The following LMAN2L variants were observed in gnomAD, a reference collection of about 807,000 sequenced individuals.
LMAN2L encodes VIP36-like protein.
Under a neutral mutation model 44.3 loss-of-function variants are expected in LMAN2L, and 30 were observed. The observed-to-expected ratio is 0.68, with a 90% CI of 0.51 to 0.92. The LOEUF is 0.92. LMAN2L is among the 40% of genes least tolerant of loss of function. The pLI is 0.00. For synonymous variants in LMAN2L, 183 were observed against 171.1 expected (o/e 1.07, Z -0.54); for missense variants, 429 against 446.1 (o/e 0.96, Z 0.35).
chr2:96,731,150 C>A (rs1186581132), intron 4 of LMAN2L, among the ~76,000 whole-genome samples: 1 of 152,172 alleles, frequency 6.6e-6, no homozygotes, highest in Non-Finnish European at 1.5e-5. Flanking sequence ...TCCCATAGTG[C>A]CCCAGAGTTC....
At chr2:96,713,101 G>A (rs1343220823) in intron 4 of LMAN2L, 2 of 1,550,916 alleles carry the variant, frequency 1.3e-6, no homozygotes, top group South Asian at 2.4e-5. Context: ...GCCAAGAACT[G>A]AGTACCTGGA....
At chr2:96,737,128 T>C (rs1424059362) in intron 2 of LMAN2L, 2 of 455,350 alleles carry the variant, frequency 4.4e-6, no homozygotes, top group African/African-American at 4.0e-5. Context: ...AAAGAAAGCA[T>C]CATCTTACAC....
intron 4 of LMAN2L, among the ~76,000 whole-genome samples, chr2:96,726,299 T>C (rs2078270318): frequency 6.6e-6 from 1 of 151,948 alleles, no homozygotes; most frequent in Admixed American, 6.6e-5. Flanking sequence ...TTCCATATTC[T>C]GTCATCTGCA....
At position 96,734,405 on chromosome 2, in the gene LMAN2L, A is replaced by G. The variant is rs2078470276; in HGVS notation, c.424+4T>C. 2 of 1,565,220 alleles carry G rather than the reference A, an allele frequency of 1.3e-6. No homozygotes were observed. Among genetic ancestry groups the G allele is most frequent in the Admixed American group, 1.7e-5 (1 of 59,942 alleles). ...CACACAAGAGTAACACAGGCTCCCA[A>G]TACCTGGCTGCATCCGATCCTTTGT... On this transcript the variant is annotated splice_donor_region_variant and intron_variant, in intron 3 of 7. Transcript: ENST00000264963.
intron 4 of LMAN2L, among the ~76,000 whole-genome samples, chr2:96,714,936 T>C (rs1173127188): frequency 2.6e-5 from 4 of 151,896 alleles, no homozygotes; most frequent in Admixed American, 6.6e-5. Flanking sequence ...GGGTGCAGGA[T>C]TGTTTTTTGT....
chr2:96,738,516 CA>C (rs1029610479), intron 1 of LMAN2L, among the ~76,000 whole-genome samples: 10 of 147,548 alleles, frequency 6.8e-5, no homozygotes, highest in Middle Eastern at 3.4e-3. Context: ...CTGTCTTTAC[CA>C]AAAAAAAAAT....
rs1051268368 is a variant in LMAN2L, at chr2:96,718,617, G to T, written c.508-6592C>A. 2.0e-5 allele frequency among the ~76,000 whole-genome samples: 3 copies of T among 152,194 alleles called. No homozygotes were observed. In the East Asian group the frequency reaches 5.8e-4, roughly 29 times the overall value. On this transcript the variant is annotated intron_variant, in intron 4 of 7. Transcript: ENST00000264963. ...GCGGAACACACTGTCACTTACACAC[G>T]TAGACCTGTCACTTTTTCAAAGCTG...
At chr2:96,716,311 AACTGAATAC>A (rs2153324059) in intron 4 of LMAN2L, among the ~76,000 whole-genome samples, 1 of 152,356 alleles carries the variant, frequency 6.6e-6, no homozygotes, top group African/African-American at 2.4e-5. Flanking sequence ...ATAATGAAAC[AACTGAATAC>A]ATTTAGCACT....
chr2:96,713,160 A>G (rs1317105102), intron 4 of LMAN2L: 1 of 1,550,592 alleles, frequency 6.4e-7, no homozygotes, highest in Non-Finnish European at 8.7e-7. Flanking sequence ...CCAGCAGGTT[A>G]TGATAAAAAC....
intron 4 of LMAN2L, among the ~76,000 whole-genome samples, chr2:96,715,482 A>AGCAATTT (rs1411368561): frequency 6.6e-6 from 1 of 152,226 alleles, no homozygotes; most frequent in Non-Finnish European, 1.5e-5. Context: ...TTCACACAGG[A>AGCAATTT]GCAATTTTGT....
At chr2:96,725,376 T>C (rs1477620498) in intron 4 of LMAN2L, among the ~76,000 whole-genome samples, 2 of 151,758 alleles carry the variant, frequency 1.3e-5, no homozygotes, top group African/African-American at 4.8e-5. Flanking sequence ...GCTGGGATTA[T>C]AGGTGTGAGC....
At chr2:96,734,327 G>A (rs916829864) in intron 3 of LMAN2L, 82 bp downstream of exon 3, 3 of 852,532 alleles carry the variant, frequency 3.5e-6, no homozygotes, top group African/African-American at 1.7e-5. Context: ...CTGGCACTGT[G>A]GGGAAGGAAC....
chr2:96,725,733 C>T (rs919981879), intron 4 of LMAN2L, among the ~76,000 whole-genome samples: 24 of 152,218 alleles, frequency 1.6e-4, no homozygotes, highest in Non-Finnish European at 2.6e-4. Flanking sequence ...GCGTAAGCCA[C>T]CGCACCCGGC....
At chr2:96,716,782 C>T (rs1288099469) in intron 4 of LMAN2L, among the ~76,000 whole-genome samples, 1 of 152,122 alleles carries the variant, frequency 6.6e-6, no homozygotes, top group East Asian at 1.9e-4. Context: ...GCTCCAGAGC[C>T]CTGACTCAAT....
chr2:96,707,820 G>A lies in LMAN2L; in HGVS notation c.798C>T (p.Val266=). The part of the protein sequence containing the change: ...ITGDLSDNHD[V]ISLKLFELTV... ...TCAGTTCAAACAACTTCAAGGAAAT[G>A]ACATCATGATTATCTGAAGAAAAAT... Residue 266 remains valine, a synonymous_variant, in exon 7 of 8, where the codon GTC becomes GTT. Transcript: ENST00000264963. 5.6e-6 allele frequency: 9 copies of A among 1,613,746 alleles called. No homozygotes were observed. The highest frequency in any genetic ancestry group is 7.6e-6 in the Non-Finnish European group (9 of 1,179,752).
intron 4 of LMAN2L, among the ~76,000 whole-genome samples, chr2:96,731,368 G>A (rs1273645360): frequency 1.3e-5 from 2 of 152,174 alleles, no homozygotes; most frequent in Non-Finnish European, 2.9e-5. Context: ...AAGTGAGCTC[G>A]CTGGGCACAG....
intron 4 of LMAN2L, among the ~76,000 whole-genome samples, chr2:96,728,230 G>A (rs2078310727): frequency 1.3e-5 from 2 of 152,178 alleles, no homozygotes; most frequent in South Asian, 2.1e-4. Context: ...GCTCACGCCT[G>A]TAATCCCAGC....
chr2:96,736,390 A>T (rs1262946803), intron 2 of LMAN2L, among the ~76,000 whole-genome samples: 1 of 152,194 alleles, frequency 6.6e-6, no homozygotes, highest in East Asian at 1.9e-4. Flanking sequence ...ACTCAGAAAC[A>T]AGCCCATAGT....
chr2:96,707,950 A>T (rs1009041322), intron 6 of LMAN2L, 117 bp from the exon 7 acceptor site: 5 of 1,015,074 alleles, frequency 4.9e-6, no homozygotes, highest in Non-Finnish European at 7.2e-6. Flanking sequence ...ACCTTGAAAA[A>T]ATAATTGAAA....
Sources: gnomAD v4.1 joint callset for allele counts (sites outside exome capture counted in the v4.1 genomes callset) on GRCh38, gnomAD v4.1.1 for gene constraint, MANE v1.5 for transcripts, NCBI Gene and HGNC (gene_info 2026-07-23, HGNC 2026-07-21) for gene names.